The following KANK1 variants were observed in gnomAD, a reference collection of about 807,000 sequenced individuals.
The protein encoded by KANK1 is KN motif and ankyrin repeat domain-containing protein 1.
KANK1 carries 109 observed loss-of-function variants against 106.2 expected under a neutral mutation model. That is an observed-to-expected ratio of 1.03 (90% confidence interval 0.88 to 1.20). KANK1 has a LOEUF of 1.20. KANK1 is among the 50% of genes most tolerant of loss of function. The pLI is 0.00. For synonymous variants in KANK1, 873 were observed against 652.2 expected, an observed-to-expected ratio of 1.34 and a Z score of -5.16; for missense variants, 2,399 against 1,710.7, an observed-to-expected ratio of 1.40 and a Z score of -7.10.
chr9:697,382 T>A (rs1304786547), intron 2 of KANK1, among the ~76,000 whole-genome samples: 2 of 152,138 alleles, frequency 1.3e-5, no homozygotes, highest in African/African-American at 4.8e-5. Context: ...CATTTTTTTT[T>A]ATGATTGACA....
At chr9:557,215 C>A (rs1271053591) in intron 1 of KANK1, among the ~76,000 whole-genome samples, 3 of 149,644 alleles carry the variant, frequency 2.0e-5, no homozygotes, top group Non-Finnish European at 3.0e-5. Flanking sequence ...AAAATTTATT[C>A]ATTAGTTATA....
intron 1 of KANK1, among the ~76,000 whole-genome samples, chr9:511,282 C>G (rs1432074355): frequency 6.6e-6 from 1 of 152,138 alleles, no homozygotes. Flanking sequence ...ATACCATGGT[C>G]AGTCATAGGC....
intron 1 of KANK1, among the ~76,000 whole-genome samples, chr9:543,702 A>C (rs1221691101): frequency 6.6e-6 from 1 of 152,214 alleles, no homozygotes; most frequent in Admixed American, 6.5e-5. Context: ...TTATGCTGTC[A>C]GTGCAGATGG....
intron 2 of KANK1, chr9:707,248 G>A (rs892307184): frequency 1.0e-6 from 1 of 986,022 alleles, no homozygotes; most frequent in African/African-American, 1.7e-5. Context: ...GCGCCACGTG[G>A]TAGGTGAGCT....
chr9:706,392 A>G (rs72693422), intron 2 of KANK1, among the ~76,000 whole-genome samples: 5,913 of 152,300 alleles, frequency 0.039, 187 homozygotes, highest in Non-Finnish European at 0.061. Flanking sequence ...AAAAACTGTG[A>G]TAAGTTTTGT....
chr9:605,873 T>G (rs1239335544), intron 1 of KANK1, among the ~76,000 whole-genome samples: 1 of 151,540 alleles, frequency 6.6e-6, no homozygotes, highest in Non-Finnish European at 1.5e-5. Flanking sequence ...AGAGAAATGG[T>G]AATGGGACTA....
At chr9:684,289 T>C (rs1280273345) in intron 2 of KANK1, 31 of 985,064 alleles carry the variant, frequency 3.1e-5, no homozygotes, top group Non-Finnish European at 3.5e-5. Context: ...TACCAGCCTA[T>C]TTGAGTGTAG....
At chr9:569,687 TTTTC>T (rs1311601334) in intron 1 of KANK1, among the ~76,000 whole-genome samples, 1 of 152,262 alleles carries the variant, frequency 6.6e-6, no homozygotes, top group African/African-American at 2.4e-5. Context: ...TTGTGTTCAC[TTTTC>T]TTTCATCTAG....
intron 1 of KANK1, among the ~76,000 whole-genome samples, chr9:511,573 G>C (rs561757168): frequency 7.5e-4 from 106 of 142,234 alleles, no homozygotes; most frequent in African/African-American, 3.1e-3. Context: ...GGTTGAGGCA[G>C]TCACCTGTCC....
intron 3 of KANK1, among the ~76,000 whole-genome samples, chr9:725,464 T>G: frequency 7.2e-6 from 1 of 139,190 alleles, no homozygotes; most frequent in East Asian, 2.1e-4. Flanking sequence ...CAGCCCTCAC[T>G]CCAGCCTGGG....
chr9:621,943 G>A (rs1447584354), intron 1 of KANK1, among the ~76,000 whole-genome samples: 1 of 152,168 alleles, frequency 6.6e-6, no homozygotes, highest in African/African-American at 2.4e-5. Context: ...TGGTGCTGCC[G>A]AAGCCTCTTG....
At chr9:659,817 A>G (rs564142380) in intron 1 of KANK1, among the ~76,000 whole-genome samples, 3 of 152,210 alleles carry the variant, frequency 2.0e-5, no homozygotes, top group South Asian at 2.1e-4. Flanking sequence ...ATTATAACTC[A>G]TAAGATTTGG....
chr9:488,162 C>G (rs1440409749), intron 3 of KANK1, among the ~76,000 whole-genome samples: 1 of 152,154 alleles, frequency 6.6e-6, no homozygotes, highest in African/African-American at 2.4e-5. Context: ...TGAATCCCTA[C>G]AAATACGGGA....
chr9:711,459 C>G lies in KANK1; in HGVS notation c.693C>G (p.Thr231=). The stretch of plus-strand genomic sequence containing the variant: ...GTAGCTATGCCCCAGCTGCTCCCAC[C>G]ACTTCCTCCATGGGGAGCTCCATCC... ...DYGSYAPAAP[T]TSSMGSSIRH... is the part of the protein sequence containing the mutation. Residue 231 remains threonine (T), a synonymous_variant, in exon 3 of 12, where the codon ACC becomes ACG. Coordinates refer to ENST00000382297, the MANE Select transcript of KANK1 (RefSeq NM_015158.5). 1 of 1,614,144 alleles carries G rather than the reference C, an allele frequency of 6.2e-7. No individual in the cohort carries two copies. The highest frequency in any genetic ancestry group is 8.5e-7 in the Non-Finnish European group (1 of 1,180,026).
intron 1 of KANK1, among the ~76,000 whole-genome samples, chr9:625,551 A>G (rs972683701): frequency 1.3e-5 from 2 of 152,014 alleles, no homozygotes; most frequent in African/African-American, 4.8e-5. Context: ...AAAGTTCTAT[A>G]TTTCTACAAA....
rs1836917788 is a variant in KANK1, at chr9:745,341, C to G, written c.*106C>G. On this transcript the variant is annotated 3_prime_UTR_variant, in exon 12 of 12. Coordinates refer to ENST00000382297, the MANE Select transcript of KANK1 (RefSeq NM_015158.5). ...TACGTATTGTGCCTGAGCTCACCAG[C>G]AAACAGAAGCATCAAGCCCAGGGGT... is the stretch of plus-strand genomic sequence containing the variant. 3 of 1,402,716 alleles carry G rather than the reference C, an allele frequency of 2.1e-6. No homozygotes were observed. In the African/African-American group the frequency reaches 4.2e-5, roughly 20 times the overall value. The allele number at this position is 1,402,716 out of a possible 1,614,324, so 86.9% of individuals were successfully genotyped here. A position where few individuals can be genotyped will look rare whatever the true frequency, so the allele number is the denominator to read the frequency against.
chr9:744,463 T>G, intron 10 of KANK1, 28 bp from the exon 11 acceptor site: 2 of 1,600,606 alleles, frequency 1.2e-6, no homozygotes, highest in Non-Finnish European at 1.7e-6. Flanking sequence ...AAACCCAACA[T>G]GGCTTGTTCT....
intron 2 of KANK1, among the ~76,000 whole-genome samples, chr9:697,063 G>A (rs142779330): frequency 2.1e-4 from 31 of 149,946 alleles, no homozygotes; most frequent in Non-Finnish European, 4.1e-4. Flanking sequence ...ACATTTTACC[G>A]TATTTGTTCC....
chr9:516,265 A>G (rs536629120), intron 1 of KANK1, among the ~76,000 whole-genome samples: 19 of 151,564 alleles, frequency 1.3e-4, no homozygotes, highest in Non-Finnish European at 2.1e-4. Context: ...AGAGACACCA[A>G]ACTTTTAACT....
Sources: gnomAD v4.1 joint callset for allele counts (sites outside exome capture counted in the v4.1 genomes callset) on GRCh38, gnomAD v4.1.1 for gene constraint, MANE v1.5 for transcripts, NCBI Gene and HGNC (gene_info 2026-07-23, HGNC 2026-07-21) for gene names.